Variants in PRKCH observed in about 807,000 individuals in gnomAD.
The protein encoded by PRKCH is protein kinase C eta type.
PRKCH carries 28 observed loss-of-function variants against 82.5 expected under a neutral mutation model. The ratio of observed to expected loss-of-function variants is 0.34; its 90% CI spans 0.25 to 0.47. The LOEUF (loss-of-function observed/expected upper bound fraction) is 0.47. Ranked by LOEUF, PRKCH falls within the 20% of genes least tolerant of loss-of-function variation. The pLI, the probability that PRKCH is intolerant of heterozygous loss-of-function variation, is 1.00. For missense variants in PRKCH, 705 were observed against 881.8 expected, an observed-to-expected ratio of 0.80 and a Z score of 2.54; for synonymous variants, 322 against 327.4, an observed-to-expected ratio of 0.98 and a Z score of 0.18.
chr14:61,304,422 C>T (rs1473965907), intron 1 of PRKCH: 1 of 152,096 alleles, frequency 6.6e-6, no homozygotes, highest in East Asian at 1.9e-4. Flanking sequence ...TATCATTTTC[C>T]ATCACCACCG....
intron 9 of PRKCH, among the ~76,000 whole-genome samples, chr14:61,478,675 C>G (rs1885835327): frequency 6.6e-6 from 1 of 152,090 alleles, no homozygotes; most frequent in Non-Finnish European, 1.5e-5. Flanking sequence ...CAAGACCAGC[C>G]TGTGCAACAC....
intron 1 of PRKCH, among the ~76,000 whole-genome samples, chr14:61,338,765 T>A (rs1189188349): frequency 1.3e-5 from 2 of 152,188 alleles, no homozygotes; most frequent in East Asian, 3.9e-4. Flanking sequence ...CTCCTGAAGT[T>A]GCCTCATTAG....
intron 1 of PRKCH, among the ~76,000 whole-genome samples, chr14:61,340,739 A>G (rs544269768): frequency 6.6e-6 from 1 of 152,238 alleles, no homozygotes; most frequent in Non-Finnish European, 1.5e-5. Context: ...GACATCCTTT[A>G]GGCATCTCCA....
At chr14:61,363,935 T>C (rs983297460) in intron 1 of PRKCH, among the ~76,000 whole-genome samples, 1 of 149,394 alleles carries the variant, frequency 6.7e-6, no homozygotes, top group African/African-American at 2.5e-5. Context: ...TATGTAAAAA[T>C]ATGTAAATAT....
intron 2 of PRKCH, among the ~76,000 whole-genome samples, chr14:61,426,866 C>T (rs1257832315): frequency 6.6e-6 from 1 of 152,164 alleles, no homozygotes; most frequent in Non-Finnish European, 1.5e-5. Flanking sequence ...TTCAGGAATG[C>T]AATTTACCAA....
intron 1 of PRKCH, among the ~76,000 whole-genome samples, chr14:61,282,366 T>C (rs2045279225): frequency 6.6e-6 from 1 of 151,890 alleles, no homozygotes. Context: ...CTTCCCTAGG[T>C]ATTGTGTTCT....
intron 1 of PRKCH, chr14:61,302,877 T>G (rs1393287563): frequency 6.6e-6 from 1 of 152,336 alleles, no homozygotes; most frequent in Non-Finnish European, 1.5e-5. Flanking sequence ...TATTCTCTAT[T>G]TATCAATTAG....
chr14:61,506,772 G>T (rs929304147), intron 10 of PRKCH, among the ~76,000 whole-genome samples: 1 of 152,134 alleles, frequency 6.6e-6, no homozygotes, highest in Non-Finnish European at 1.5e-5. Context: ...GCTCCTACAG[G>T]CAGAGGCCAT....
At chr14:61,190,349 A>G (rs1412889390) in intron 1 of PRKCH, among the ~76,000 whole-genome samples, 1 of 152,132 alleles carries the variant, frequency 6.6e-6, no homozygotes, top group African/African-American at 2.4e-5. Context: ...TATTCATATC[A>G]TTGTCCCCAA....
intron 1 of PRKCH, chr14:61,277,773 C>T (rs1313739849): frequency 3.9e-5 from 6 of 152,122 alleles, no homozygotes; most frequent in Non-Finnish European, 8.8e-5. Flanking sequence ...TGAGGACTAT[C>T]TAGTTTATAT....
At chr14:61,300,628 G>A (rs1225021610) in intron 1 of PRKCH, among the ~76,000 whole-genome samples, 2 of 152,184 alleles carry the variant, frequency 1.3e-5, no homozygotes, top group Non-Finnish European at 2.9e-5. Context: ...GATAGTGAGG[G>A]TAAGGAAGTC....
At chr14:61,389,449 G>T (rs925122402) in intron 1 of PRKCH, among the ~76,000 whole-genome samples, 5 of 152,194 alleles carry the variant, frequency 3.3e-5, no homozygotes, top group African/African-American at 1.2e-4. Flanking sequence ...CCAGTGACTT[G>T]AGAGGCTGAG....
intron 9 of PRKCH, among the ~76,000 whole-genome samples, chr14:61,480,509 T>C (rs762168534): frequency 9.2e-5 from 14 of 152,208 alleles, no homozygotes; most frequent in Non-Finnish European, 1.5e-4. Context: ...ATATGAGAAG[T>C]TTTACTCCTT....
intron 6 of PRKCH, 103 bp downstream of exon 6, chr14:61,451,074 T>C (rs1310471296): frequency 1.5e-6 from 2 of 1,357,900 alleles, no homozygotes; most frequent in Non-Finnish European, 2.0e-6. Context: ...CTGATGGTTT[T>C]AGATATGTTG....
At chr14:61,501,419 G>C (rs375772103) in intron 10 of PRKCH, among the ~76,000 whole-genome samples, 1 of 151,922 alleles carries the variant, frequency 6.6e-6, no homozygotes, top group Non-Finnish European at 1.5e-5. Flanking sequence ...GAAAAAAAGA[G>C]AGATGTGTGC....
intron 1 of PRKCH, among the ~76,000 whole-genome samples, chr14:61,375,470 G>T (rs1386900309): frequency 6.6e-6 from 1 of 151,974 alleles, no homozygotes; most frequent in Non-Finnish European, 1.5e-5. Context: ...TTCTCACACT[G>T]TTATACAGAA....
intron 10 of PRKCH, among the ~76,000 whole-genome samples, chr14:61,520,833 A>G (rs1483165237): frequency 6.6e-6 from 1 of 152,242 alleles, no homozygotes; most frequent in Non-Finnish European, 1.5e-5. Flanking sequence ...GTTTCTCTAC[A>G]TCTGTTTAAA....
intron 9 of PRKCH, among the ~76,000 whole-genome samples, chr14:61,465,406 C>T (rs1035431701): frequency 1.4e-4 from 22 of 152,192 alleles, no homozygotes; most frequent in African/African-American, 5.1e-4. Context: ...TTTTATGTGA[C>T]GTGAGATGAG....
chr14:61,380,834 T>C (rs1441717958), intron 1 of PRKCH, among the ~76,000 whole-genome samples: 1 of 152,236 alleles, frequency 6.6e-6, no homozygotes, highest in Non-Finnish European at 1.5e-5. Context: ...GATTTTTTAC[T>C]ACGGGCAGAA....
Sources: gnomAD v4.1 joint callset for allele counts (sites outside exome capture counted in the v4.1 genomes callset) on GRCh38, gnomAD v4.1.1 for gene constraint, MANE v1.5 for transcripts, NCBI Gene and HGNC (gene_info 2026-07-23, HGNC 2026-07-21) for gene names.